Variants in TEX11 observed in about 807,000 individuals in gnomAD.
TEX11 encodes testis expressed 11, also known as testis-expressed protein 11.
Under a neutral mutation model 84.4 loss-of-function variants are expected in TEX11, and 7 were observed. That is an observed-to-expected ratio of 0.08 (90% CI 0.05 to 0.16). TEX11 has a LOEUF of 0.16. TEX11 is among the 10% of genes least tolerant of loss of function. TEX11 has a pLI of 1.00. For missense variants in TEX11, 551 were observed against 660.5 expected, an observed-to-expected ratio of 0.83 and a Z score of 1.82; for synonymous variants, 264 against 222.8, an observed-to-expected ratio of 1.18 and a Z score of -1.64.
chrX:70,787,690 G>C (rs1361732364), intron 9 of TEX11, among the ~76,000 whole-genome samples: 2 of 111,393 alleles, frequency 1.8e-5, no homozygotes, highest in African/African-American at 6.5e-5. Context: ...TTAAGCAAAA[G>C]AAAGAAAGTA....
At chrX:70,802,260 T>C (rs978853947) in intron 9 of TEX11, among the ~76,000 whole-genome samples, 4 of 111,705 alleles carry the variant, frequency 3.6e-5, no homozygotes, top group African/African-American at 1.3e-4. Context: ...AAGAGACACC[T>C]TAATCAATCA....
intron 28 of TEX11, among the ~76,000 whole-genome samples, chrX:70,548,426 A>C (rs1285311128): frequency 9.3e-6 from 1 of 107,099 alleles, no homozygotes; most frequent in Non-Finnish European, 1.9e-5. Context: ...AATAATAATA[A>C]AATTTAAAAA....
chrX:70,719,778 A>C (rs1473726203), intron 13 of TEX11, among the ~76,000 whole-genome samples: 3 of 112,281 alleles, frequency 2.7e-5, no homozygotes, highest in Admixed American at 9.5e-5. Flanking sequence ...AATGCTCATC[A>C]TCACTGGCCA....
intron 22 of TEX11, 100 bp from the exon 23 acceptor site, chrX:70,607,129 A>T: frequency 1.7e-6 from 1 of 577,269 alleles, no homozygotes; most frequent in South Asian, 4.3e-5. Flanking sequence ...TTTGATATTA[A>T]CATACTAGTA....
At chrX:70,584,885 G>C (rs1318034653) in intron 25 of TEX11, among the ~76,000 whole-genome samples, 1 of 111,526 alleles carries the variant, frequency 9.0e-6, no homozygotes, top group African/African-American at 3.3e-5. Context: ...ATCTGATAAA[G>C]GGCATTAAAA....
At chrX:70,564,221 T>A (rs2088419506) in intron 25 of TEX11, among the ~76,000 whole-genome samples, 1 of 111,482 alleles carries the variant, frequency 9.0e-6, no homozygotes, top group African/African-American at 3.3e-5. Flanking sequence ...AGAGTGAGAC[T>A]TCATCTCAAA....
At chrX:70,747,698 T>C (rs1395391176) in intron 9 of TEX11, among the ~76,000 whole-genome samples, 1 of 111,731 alleles carries the variant, frequency 9.0e-6, no homozygotes, top group Non-Finnish European at 1.9e-5. Context: ...GAAGGTCTGA[T>C]AACAATGACT....
intron 4 of TEX11, among the ~76,000 whole-genome samples, chrX:70,872,810 A>G (rs144075967): frequency 0.015 from 1,663 of 112,103 alleles, 13 homozygotes; most frequent in Middle Eastern, 0.055. Context: ...TAAAATCTGA[A>G]TATGTCATAT....
intron 13 of TEX11, among the ~76,000 whole-genome samples, chrX:70,687,680 T>A (rs1469615943): frequency 9.0e-6 from 1 of 110,672 alleles, no homozygotes; most frequent in Non-Finnish European, 1.9e-5. Context: ...AAAGAATAAG[T>A]GAATTTGAAA....
In TEX11 at chrX:70,582,753, TA is replaced by T. The variant is rs1165868354; in HGVS notation, c.2140+8997del. 2.7e-3 allele frequency among the ~76,000 whole-genome samples: 210 copies of T among 78,067 alleles called. 1 individual carries two copies. The highest frequency in any genetic ancestry group is 7.7e-3 in the African/African-American group (169 of 21,980). The allele number at this position is 78,067 out of a possible 115,157, so 67.8% of individuals were successfully genotyped here. A position where few individuals can be genotyped will look rare whatever the true frequency, so the allele number is the denominator to read the frequency against. ...TTATTTATTTATTTATTTATTTATT[TA>T]TTTATTTATGTGATGGAATCTCACT... On this transcript the variant is annotated intron_variant, in intron 25 of 29. Coordinates refer to ENST00000374333, the MANE Select transcript of TEX11 (RefSeq NM_031276.3).
At chrX:70,877,203 A>G (rs1388723552) in intron 3 of TEX11, among the ~76,000 whole-genome samples, 1 of 110,400 alleles carries the variant, frequency 9.1e-6, no homozygotes, top group Non-Finnish European at 1.9e-5. Context: ...CTGAGGCACG[A>G]GAACTGCTTC....
intron 7 of TEX11, among the ~76,000 whole-genome samples, chrX:70,837,691 T>C (rs2091413669): frequency 8.9e-6 from 1 of 112,259 alleles, no homozygotes; most frequent in Non-Finnish European, 1.9e-5. Context: ...ATATTACATT[T>C]ATATAATGTT....
intron 28 of TEX11, among the ~76,000 whole-genome samples, chrX:70,532,179 A>C (rs1435290016): frequency 2.7e-5 from 3 of 112,038 alleles, no homozygotes; most frequent in African/African-American, 9.7e-5. Flanking sequence ...AAGTTTAGGG[A>C]AGTTTTACAG....
At chrX:70,780,297 C>A (rs755212099) in intron 9 of TEX11, among the ~76,000 whole-genome samples, 1 of 112,335 alleles carries the variant, frequency 8.9e-6, no homozygotes, top group South Asian at 3.7e-4. Flanking sequence ...AAAGACAAGA[C>A]AAGAAAAACA....
chrX:70,604,391 C>A (rs73216790), intron 24 of TEX11, among the ~76,000 whole-genome samples: 12,531 of 110,737 alleles, frequency 0.11, 606 homozygotes, highest in Middle Eastern at 0.19. Context: ...CTTTTCTCAT[C>A]TTCTTTTAAA....
chrX:70,785,092 G>A (rs1033242047), intron 9 of TEX11, among the ~76,000 whole-genome samples: 3 of 112,005 alleles, frequency 2.7e-5, no homozygotes, highest in Admixed American at 9.5e-5. Context: ...CAAGTCTACA[G>A]TAACCAAAAC....
At chrX:70,768,268 T>C (rs1006812084) in intron 9 of TEX11, among the ~76,000 whole-genome samples, 3 of 111,214 alleles carry the variant, frequency 2.7e-5, no homozygotes, top group Admixed American at 9.7e-5. Context: ...ATACCTAATA[T>C]GTACCCACAA....
intron 28 of TEX11, among the ~76,000 whole-genome samples, chrX:70,550,134 T>G (rs2147944427): frequency 8.9e-6 from 1 of 112,505 alleles, no homozygotes; most frequent in South Asian, 3.7e-4. Context: ...AAGAACATAC[T>G]TTGGGGAAAG....
At chrX:70,703,250 C>T in intron 13 of TEX11, among the ~76,000 whole-genome samples, 1 of 111,617 alleles carries the variant, frequency 9.0e-6, no homozygotes, top group Non-Finnish European at 1.9e-5. Flanking sequence ...TAGTGAATAC[C>T]TATCATAGTT....
Sources: allele counts gnomAD v4.1 joint callset (sites outside exome capture counted in the v4.1 genomes callset), GRCh38; gene constraint gnomAD v4.1.1; transcripts MANE v1.5; gene names NCBI Gene and HGNC (gene_info 2026-07-23, HGNC 2026-07-21).